DIP2B: variants seen among roughly 807,000 people sequenced by gnomAD.
DIP2B encodes DIP2 acetate--CoA ligase B (putative).
Under a neutral mutation model 198.0 loss-of-function variants are expected in DIP2B, and 76 were observed. The observed-to-expected ratio is 0.38, with a 90% confidence interval of 0.32 to 0.46. DIP2B has a LOEUF of 0.46. Among genes scored for constraint, DIP2B ranks in the 20% least tolerant of loss-of-function variants. DIP2B has a pLI of 0.99. For synonymous variants in DIP2B, 701 were observed against 739.1 expected (o/e 0.95, Z 0.84); for missense variants, 1,559 against 1,978.4 (o/e 0.79, Z 4.02).
At chr12:50,688,810 T>C (rs567699218) in intron 12 of DIP2B, among the ~76,000 whole-genome samples, 8 of 152,334 alleles carry the variant, frequency 5.3e-5, no homozygotes, top group South Asian at 2.1e-4. Flanking sequence ...CTCTGCCTCA[T>C]TGGCCATTCC....
intron 10 of DIP2B, among the ~76,000 whole-genome samples, chr12:50,684,449 T>C (rs1398394072): frequency 6.6e-6 from 1 of 152,242 alleles, no homozygotes; most frequent in Non-Finnish European, 1.5e-5. Flanking sequence ...ATGCAGTTTA[T>C]TTCTGAGGGC....
intron 2 of DIP2B, among the ~76,000 whole-genome samples, chr12:50,637,013 A>G (rs898216967): frequency 1.3e-5 from 2 of 152,120 alleles, no homozygotes; most frequent in Non-Finnish European, 2.9e-5. Context: ...TCAAAGGAAG[A>G]CTGTCCTCAA....
chr12:50,728,486 A>G, intron 29 of DIP2B, 62 bp from the exon 30 acceptor site: 1 of 1,558,654 alleles, frequency 6.4e-7, no homozygotes, highest in Non-Finnish European at 8.7e-7. Flanking sequence ...AGCTGTCGTC[A>G]GAGCTGTTAC....
At chr12:50,635,787 A>G (rs1478851094) in intron 2 of DIP2B, among the ~76,000 whole-genome samples, 1 of 152,210 alleles carries the variant, frequency 6.6e-6, no homozygotes, top group Non-Finnish European at 1.5e-5. Flanking sequence ...ACATTTTTGC[A>G]TACAACTTAT....
intron 35 of DIP2B, among the ~76,000 whole-genome samples, chr12:50,738,831 T>G (rs1466353168): frequency 6.6e-6 from 1 of 152,200 alleles, no homozygotes; most frequent in African/African-American, 2.4e-5. Flanking sequence ...ACCTCCTGAG[T>G]AGAATCATTA....
In DIP2B at chr12:50,723,278, T is replaced by C. The variant is rs748824800; in HGVS notation, c.3243T>C (p.Ala1081=). 1.2e-6 allele frequency: 2 copies of C among 1,614,184 alleles called. No individual in the cohort carries two copies. Among genetic ancestry groups the C allele is most frequent in the East Asian group, 2.2e-5 (1 of 44,888 alleles). Residue 1081 remains alanine, a synonymous_variant, in exon 27 of 38, where the codon GCT becomes GCC. Coordinates refer to ENST00000301180, the MANE Select transcript of DIP2B (RefSeq NM_173602.3). ...CTGTGACCGTCAGACCTCCACATGC[T>C]CAGAACCTCACGGCCACGCTGCCCA... ...CIPVTVRPPH[A]QNLTATLPTV...
chr12:50,584,568 T>A (rs1958753649), intron 1 of DIP2B, among the ~76,000 whole-genome samples: 1 of 152,192 alleles, frequency 6.6e-6, no homozygotes, highest in African/African-American at 2.4e-5. Context: ...TTTATTTATT[T>A]TTTATATTTC....
At chr12:50,622,956 C>A (rs528581910) in intron 1 of DIP2B, among the ~76,000 whole-genome samples, 1 of 151,330 alleles carries the variant, frequency 6.6e-6, no homozygotes, top group South Asian at 2.1e-4. Flanking sequence ...TCAAAAATAT[C>A]ATTCTTAAAA....
chr12:50,644,386 A>C (rs1938313642), intron 3 of DIP2B, among the ~76,000 whole-genome samples: 1 of 152,236 alleles, frequency 6.6e-6, no homozygotes, highest in Non-Finnish European at 1.5e-5. Context: ...ACCTCAAACA[A>C]AACAACAAAA....
intron 1 of DIP2B, among the ~76,000 whole-genome samples, chr12:50,576,248 T>A (rs75924438): frequency 6.6e-6 from 1 of 151,284 alleles, no homozygotes; most frequent in Non-Finnish European, 1.5e-5. Flanking sequence ...TTTGTATTTT[T>A]AGTAGAGACG....
At chr12:50,717,582 T>A (rs1939752385) in intron 23 of DIP2B, among the ~76,000 whole-genome samples, 1 of 151,674 alleles carries the variant, frequency 6.6e-6, no homozygotes, top group African/African-American at 2.4e-5. Flanking sequence ...TTAGCCGGGA[T>A]GGTCTCGGTC....
At chr12:50,507,985 G>T (rs1957983087) in intron 1 of DIP2B, among the ~76,000 whole-genome samples, 1 of 151,776 alleles carries the variant, frequency 6.6e-6, no homozygotes, top group South Asian at 2.1e-4. Context: ...TGCTGTTAAA[G>T]AATTTTCTTT....
chr12:50,534,369 A>ATT (rs72095442), intron 1 of DIP2B, among the ~76,000 whole-genome samples: 25,644 of 107,962 alleles, frequency 0.24, 4,217 homozygotes, highest in Non-Finnish European at 0.29. Context: ...TTCTCATTTC[A>ATT]TTTTTTTTTT....
intron 7 of DIP2B, among the ~76,000 whole-genome samples, chr12:50,677,825 C>A (rs567905861): frequency 6.6e-6 from 1 of 151,842 alleles, no homozygotes; most frequent in East Asian, 1.9e-4. Context: ...GTTGAACAAC[C>A]GTGAAGTATT....
chr12:50,561,876 G>A (rs935505742), intron 1 of DIP2B, among the ~76,000 whole-genome samples: 8 of 152,092 alleles, frequency 5.3e-5, no homozygotes, highest in Non-Finnish European at 5.9e-5. Flanking sequence ...CCTAAAATGC[G>A]GGGATTACAG....
chr12:50,622,889 G>A (rs1441754521), intron 1 of DIP2B, among the ~76,000 whole-genome samples: 1 of 151,938 alleles, frequency 6.6e-6, no homozygotes, highest in Admixed American at 6.6e-5. Flanking sequence ...TGGGATTACA[G>A]GCGTGAGCCA....
chr12:50,610,752 C>T (rs1336018808), intron 1 of DIP2B, among the ~76,000 whole-genome samples: 6 of 151,434 alleles, frequency 4.0e-5, no homozygotes, highest in South Asian at 4.2e-4. Flanking sequence ...GTGATCTGCC[C>T]GCCTCAGCCT....
At chr12:50,559,810 G>C (rs1435396072) in intron 1 of DIP2B, among the ~76,000 whole-genome samples, 1 of 151,952 alleles carries the variant, frequency 6.6e-6, no homozygotes, top group African/African-American at 2.4e-5. Flanking sequence ...TTGGGAGTGG[G>C]GATGGAATAC....
At chr12:50,528,226 CCTT>C (rs1958185079) in intron 1 of DIP2B, among the ~76,000 whole-genome samples, 1 of 151,596 alleles carries the variant, frequency 6.6e-6, no homozygotes, top group East Asian at 1.9e-4. Context: ...TGTGCCTGAC[CCTT>C]CTTTTTTTTT....
Sources: gnomAD v4.1 joint callset for allele counts (sites outside exome capture counted in the v4.1 genomes callset) on GRCh38, gnomAD v4.1.1 for gene constraint, MANE v1.5 for transcripts, NCBI Gene and HGNC (gene_info 2026-07-23, HGNC 2026-07-21) for gene names.